Variants in COQ8A observed in about 807,000 individuals in gnomAD.
The protein encoded by COQ8A is coenzyme Q8A.
Under a neutral mutation model 65.0 loss-of-function variants are expected in COQ8A, and 51 were observed. The ratio of observed to expected loss-of-function variants is 0.78; its 90% CI spans 0.63 to 0.99. The LOEUF is 0.99. Ranked by LOEUF, COQ8A falls within the 50% of genes least tolerant of loss-of-function variation. The pLI, the probability that COQ8A is intolerant of heterozygous loss-of-function variation, is 0.00. For missense variants in COQ8A, 940 were observed against 875.0 expected, an observed-to-expected ratio of 1.07 and a Z score of -0.94; for synonymous variants, 371 against 353.2, an observed-to-expected ratio of 1.05 and a Z score of -0.57.
chr1:226,986,675 C>G lies in COQ8A; in HGVS notation c.1882C>G (p.Pro628Ala). The change falls in exon 15 of 15, where the codon CCC becomes GCC. Residue 628 changes from proline to alanine, a missense_variant. Transcript: ENST00000366777. ...CTGCTCCAAGCTGAAGGCCCGCTTC[C>G]CCTGCAAGGCCATGTTCGAGGAGGC... ...LICSKLKARF[P>A]CKAMFEEAYS... 2 of 1,614,166 alleles carry G rather than the reference C, an allele frequency of 1.2e-6. No homozygotes were observed. Among genetic ancestry groups the G allele is most frequent in the Non-Finnish European group, 1.7e-6 (2 of 1,180,040 alleles).
At chr1:226,985,418 A>T in intron 14 of COQ8A, 78 bp downstream of exon 14, 1 of 1,544,356 alleles carries the variant, frequency 6.5e-7, no homozygotes, top group Non-Finnish European at 8.9e-7. Flanking sequence ...ATGAAAGCAC[A>T]GGGGGCAGCT....
intron 5 of COQ8A, among the ~76,000 whole-genome samples, chr1:226,978,955 C>G (rs941140875): frequency 6.6e-6 from 1 of 151,282 alleles, no homozygotes; most frequent in Non-Finnish European, 1.5e-5. Flanking sequence ...CACACCTTAC[C>G]CTCCACACAC....
intron 7 of COQ8A, 47 bp downstream of exon 7, chr1:226,982,810 C>G: frequency 6.2e-7 from 1 of 1,612,916 alleles, no homozygotes; most frequent in Non-Finnish European, 8.5e-7. Context: ...TCGGCCCCCA[C>G]TGGGTGGAGG....
intron 14 of COQ8A, among the ~76,000 whole-genome samples, chr1:226,986,230 C>T (rs1175379308): frequency 6.6e-6 from 1 of 152,158 alleles, no homozygotes; most frequent in Non-Finnish European, 1.5e-5. Flanking sequence ...CTGCACTCTG[C>T]CACAGGCCCC....
At chr1:226,941,029 C>A (rs911502246) in intron 1 of COQ8A, among the ~76,000 whole-genome samples, 2 of 152,198 alleles carry the variant, frequency 1.3e-5, no homozygotes, top group African/African-American at 4.8e-5. Flanking sequence ...TGGGCTTACT[C>A]CCCTAAACTC....
chr1:226,942,942 C>T (rs928534749), intron 1 of COQ8A, among the ~76,000 whole-genome samples: 15 of 152,208 alleles, frequency 9.9e-5, no homozygotes, highest in Non-Finnish European at 2.1e-4. Context: ...CTGATTGGCA[C>T]GCAGAAAAAC....
chr1:226,984,319 T>G (rs1426631972), intron 11 of COQ8A, 84 bp downstream of exon 11: 8 of 1,589,242 alleles, frequency 5.0e-6, no homozygotes, highest in Non-Finnish European at 6.8e-6. Context: ...AGCTGGGGAC[T>G]TGGAGCCCTG....
intron 14 of COQ8A, 23 bp from the exon 15 acceptor site, chr1:226,986,430 T>G: frequency 6.2e-7 from 1 of 1,609,742 alleles, no homozygotes; most frequent in Non-Finnish European, 8.5e-7. Context: ...TCGCCGCCAT[T>G]TATCCTTCCT....
At chr1:226,978,768 A>ACAGC (rs1558202140) in intron 5 of COQ8A, among the ~76,000 whole-genome samples, 7 of 85,756 alleles carry the variant, frequency 8.2e-5, no homozygotes, top group African/African-American at 2.6e-4. Flanking sequence ...TCACACCCGC[A>ACAGC]TACCTCCGTA....
chr1:226,947,863 A>G (rs923746270), intron 1 of COQ8A, among the ~76,000 whole-genome samples: 1 of 151,924 alleles, frequency 6.6e-6, no homozygotes, highest in Non-Finnish European at 1.5e-5. Context: ...GAGAAAGTCA[A>G]CAGGACTCCG....
At chr1:226,975,692 C>T (rs968024909) in intron 4 of COQ8A, among the ~76,000 whole-genome samples, 14 of 152,182 alleles carry the variant, frequency 9.2e-5, no homozygotes, top group Admixed American at 5.9e-4. Context: ...ACAACAGCAG[C>T]TGCTTGTGTG....
intron 4 of COQ8A, among the ~76,000 whole-genome samples, chr1:226,966,689 C>T (rs1658587107): frequency 6.6e-6 from 1 of 152,156 alleles, no homozygotes; most frequent in Non-Finnish European, 1.5e-5. Flanking sequence ...ATGGGTCTGC[C>T]TGTCTCTTTG....
intron 1 of COQ8A, among the ~76,000 whole-genome samples, chr1:226,951,132 C>G (rs1161616662): frequency 6.6e-6 from 1 of 152,214 alleles, no homozygotes; most frequent in Admixed American, 6.5e-5. Flanking sequence ...GAGGCAGCAG[C>G]GTGCGTCCCT....
Position 226,965,134 on chromosome 1 carries a change from C to G in COQ8A, c.312C>G (p.Pro104=). ...SSASAPDQSA[P]PSLGHAHSEG... ...CCTCCGCTCCCGACCAGTCAGCGCC[C>G]CCATCCCTGGGTCATGCCCACAGCG... The change falls in exon 3 of 15, where the codon CCC becomes CCG. Residue 104 remains proline (P), a synonymous_variant. Transcript: ENST00000366777. The G allele has an allele frequency of 6.2e-7, 1 of 1,613,992 alleles. No homozygotes were observed. The highest frequency in any genetic ancestry group is 8.5e-7 in the Non-Finnish European group (1 of 1,180,048).
At chr1:226,961,987 T>A (rs1658281348) in intron 2 of COQ8A, among the ~76,000 whole-genome samples, 1 of 152,180 alleles carries the variant, frequency 6.6e-6, no homozygotes, top group Non-Finnish European at 1.5e-5. Flanking sequence ...TTCATTCTCA[T>A]GACTTAATTA....
In COQ8A at chr1:226,965,027, G is replaced by T. The variant is rs1403611525; in HGVS notation, c.205G>T (p.Ala69Ser). The change falls in exon 3 of 15, where the codon GCT (alanine) becomes TCT (serine). Residue 69 changes from alanine (A) to serine (S), a missense_variant. Transcript: ENST00000366777. The part of the protein sequence containing the change: ...QGQDKHEEYF[A>S]ENFGGPEGEF... Reference sequence around the variant, plus strand: ...TCAGGATAAACATGAAGAATATTTTGCTGAGAACTTCGGCGGCCCAGAAGG... The same window carrying T: ...TCAGGATAAACATGAAGAATATTTTTCTGAGAACTTCGGCGGCCCAGAAGG... 1.2e-6 allele frequency: 2 copies of T among 1,614,082 alleles called. No homozygotes were observed. Among genetic ancestry groups the T allele is most frequent in the Non-Finnish European group, 1.7e-6 (2 of 1,180,040 alleles).
intron 1 of COQ8A, among the ~76,000 whole-genome samples, chr1:226,959,648 A>G (rs1443178992): frequency 6.6e-6 from 1 of 152,212 alleles, no homozygotes; most frequent in Non-Finnish European, 1.5e-5. Flanking sequence ...TTGATTTGAG[A>G]AGAACAGGTT....
intron 4 of COQ8A, among the ~76,000 whole-genome samples, chr1:226,970,781 A>G (rs1369888187): frequency 6.6e-6 from 1 of 152,186 alleles, no homozygotes; most frequent in Non-Finnish European, 1.5e-5. Flanking sequence ...TACAGCCCAT[A>G]TGAATTTAGA....
rs770489444 is a variant in COQ8A, at chr1:226,983,867, G to A, written c.1256+13G>A. The A allele has an allele frequency of 6.3e-7, 1 of 1,595,692 alleles. No individual in the cohort carries two copies. The highest frequency in any genetic ancestry group is 1.7e-5 in the Admixed American group (1 of 58,752). The stretch of plus-strand genomic sequence containing the variant: ...CCCGCAAGTTCAGGTGTGGCCCCCG[G>A]CCGGGCCCCTTGCGTGTTTGCACCA... On this transcript the variant is annotated intron_variant, in intron 10 of 14. Coordinates refer to ENST00000366777, the MANE Select transcript of COQ8A (RefSeq NM_020247.5).
Sources: gnomAD v4.1 joint callset for allele counts (sites outside exome capture counted in the v4.1 genomes callset) on GRCh38, gnomAD v4.1.1 for gene constraint, MANE v1.5 for transcripts, NCBI Gene and HGNC (gene_info 2026-07-23, HGNC 2026-07-21) for gene names.